The following FHIT variants were observed in gnomAD, a reference collection of about 807,000 sequenced individuals.
FHIT encodes fragile histidine triad diadenosine triphosphatase, also known as bis(5'-adenosyl)-triphosphatase.
A neutral mutation model predicts 17.9 loss-of-function variants in FHIT; 19 were observed. The observed-to-expected ratio is 1.06, with a 90% CI of 0.74 to 1.56. The LOEUF (loss-of-function observed/expected upper bound fraction) is 1.56, where lower values mean the gene tolerates loss of function less well. FHIT is among the 40% of genes most tolerant of loss of function. The pLI, the probability that FHIT is intolerant of heterozygous loss-of-function variation, is 0.00. For synonymous variants in FHIT, 81 were observed against 69.7 expected (o/e 1.16, Z -0.81); for missense variants, 248 against 189.2 (o/e 1.31, Z -1.82).
intron 5 of FHIT, among the ~76,000 whole-genome samples, chr3:60,475,297 A>C (rs895129950): frequency 5.9e-5 from 9 of 152,216 alleles, no homozygotes; most frequent in African/African-American, 1.7e-4. Context: ...TCAGTAACTT[A>C]AATGTTTTTC....
At chr3:60,288,040 G>A (rs187809600) in intron 5 of FHIT, among the ~76,000 whole-genome samples, 3 of 152,148 alleles carry the variant, frequency 2.0e-5, no homozygotes, top group African/African-American at 4.8e-5. Flanking sequence ...CTGGGAAACT[G>A]GAGTCACAAC....
chr3:60,714,257 T>A (rs2041620163), intron 4 of FHIT, among the ~76,000 whole-genome samples: 1 of 152,242 alleles, frequency 6.6e-6, no homozygotes, highest in African/African-American at 2.4e-5. Flanking sequence ...AAACTCTCAA[T>A]AAATCAGGTA....
At chr3:61,040,461 A>G (rs546387747) in intron 3 of FHIT, among the ~76,000 whole-genome samples, 2 of 152,370 alleles carry the variant, frequency 1.3e-5, no homozygotes, top group East Asian at 3.9e-4. Flanking sequence ...TAAATCCCTT[A>G]AAGAAAGATG....
chr3:61,008,672 T>C (rs2031603327), intron 3 of FHIT, among the ~76,000 whole-genome samples: 1 of 152,144 alleles, frequency 6.6e-6, no homozygotes, highest in Non-Finnish European at 1.5e-5. Flanking sequence ...TGTCACCCTG[T>C]AAATCTAACG....
At chr3:60,310,219 G>T (rs958882701) in intron 5 of FHIT, among the ~76,000 whole-genome samples, 1 of 152,152 alleles carries the variant, frequency 6.6e-6, no homozygotes, top group Non-Finnish European at 1.5e-5. Flanking sequence ...TTATTTGAAG[G>T]CTTTTGACCC....
intron 5 of FHIT, among the ~76,000 whole-genome samples, chr3:60,221,833 T>G (rs1703974511): frequency 6.6e-6 from 1 of 152,134 alleles, no homozygotes; most frequent in South Asian, 2.1e-4. Context: ...TAGCAACCAT[T>G]TTTTCCCAAT....
At chr3:59,876,282 A>T (rs1034282934) in intron 8 of FHIT, among the ~76,000 whole-genome samples, 1 of 152,226 alleles carries the variant, frequency 6.6e-6, no homozygotes, top group East Asian at 1.9e-4. Context: ...ATCTTAAAAA[A>T]GATTATTTTT....
At position 60,394,095 on chromosome 3, in the gene FHIT, G is replaced by A. The variant is rs182449816; in HGVS notation, c.103+142765C>T. On this transcript the variant is annotated intron_variant, in intron 5 of 9. Transcript: ENST00000492590. ...GCAAAGCCTCAGGGGTGAGGGTCAG[G>A]GTATGGGGGAAGGATGTGTAAGATA... 5.6e-3 allele frequency among the ~76,000 whole-genome samples: 857 copies of A among 152,214 alleles called. 35 individuals are homozygous for A. The highest frequency in any genetic ancestry group is 0.053 in the Admixed American group (807 of 15,258).
chr3:60,839,159 C>T (rs1462323420), intron 3 of FHIT, among the ~76,000 whole-genome samples: 7 of 151,968 alleles, frequency 4.6e-5, no homozygotes, highest in African/African-American at 1.7e-4. Flanking sequence ...GAGGAGCTAC[C>T]GAACAGACGA....
intron 4 of FHIT, among the ~76,000 whole-genome samples, chr3:60,659,715 T>G (rs2107821552): frequency 6.6e-6 from 1 of 152,318 alleles, no homozygotes; most frequent in South Asian, 2.1e-4. Context: ...TGAGCATCTT[T>G]AAGATACTTG....
Position 59,892,051 on chromosome 3 carries a change from C to G in FHIT, c.348+30295G>C, listed in dbSNP as rs138732271. Among the ~76,000 whole-genome samples the G allele has an allele frequency of 1.1e-3, 166 of 152,348 alleles. 1 individual carries two copies. The East Asian group carries it at 0.029, about 27-fold the overall frequency. On this transcript the variant is annotated intron_variant, in intron 8 of 9. Transcript: ENST00000492590. ...GATTTGATGTAAAATAATAGTCCATCTATAACTCAATTTAGCCAAGTCCAT... is the reference window on the plus strand; with the variant it reads ...GATTTGATGTAAAATAATAGTCCATGTATAACTCAATTTAGCCAAGTCCAT...
intron 3 of FHIT, among the ~76,000 whole-genome samples, chr3:60,961,073 T>C (rs1284113960): frequency 6.6e-6 from 1 of 152,358 alleles, no homozygotes; most frequent in Admixed American, 6.5e-5. Context: ...TTCCTATTAC[T>C]CCACATCCTC....
At chr3:61,202,507 G>A (rs1194888303) in intron 1 of FHIT, among the ~76,000 whole-genome samples, 15 of 135,720 alleles carry the variant, frequency 1.1e-4, no homozygotes, top group East Asian at 5.3e-4. Context: ...TTACTTTTTC[G>A]TTAAAAAAAA....
chr3:60,349,362 C>T (rs1710963205), intron 5 of FHIT, among the ~76,000 whole-genome samples: 1 of 152,064 alleles, frequency 6.6e-6, no homozygotes, highest in African/African-American at 2.4e-5. Context: ...AGGACAGACA[C>T]ATAGTGCATT....
intron 8 of FHIT, among the ~76,000 whole-genome samples, chr3:59,880,212 G>A (rs764288998): frequency 2.6e-5 from 4 of 152,114 alleles, no homozygotes; most frequent in Non-Finnish European, 5.9e-5. Flanking sequence ...GGCCATTCCT[G>A]CTTCTGCTGT....
intron 5 of FHIT, among the ~76,000 whole-genome samples, chr3:60,427,174 G>C (rs1049530415): frequency 6.6e-6 from 1 of 152,090 alleles, no homozygotes; most frequent in Non-Finnish European, 1.5e-5. Context: ...CCATGAAGGA[G>C]AAAGCTCTCA....
Position 60,349,023 on chromosome 3 carries a change from A to C in FHIT, c.103+187837T>G, listed in dbSNP as rs114122787. Among the ~76,000 whole-genome samples the C allele has an allele frequency of 4.1e-3, 631 of 152,346 alleles. 6 individuals are homozygous for C. Among genetic ancestry groups the C allele is most frequent in the Middle Eastern group, 0.014 (4 of 294 alleles). The stretch of plus-strand genomic sequence containing the variant: ...AGGTATAAGAGAAATAAACATGTGT[A>C]GTATGGCACTACTTGACATCCAACA... On this transcript the variant is annotated intron_variant, in intron 5 of 9. Coordinates refer to ENST00000492590, the MANE Select transcript of FHIT (RefSeq NM_002012.4).
At chr3:60,104,639 T>C (rs1396711688) in intron 5 of FHIT, among the ~76,000 whole-genome samples, 1 of 151,854 alleles carries the variant, frequency 6.6e-6, no homozygotes, top group Non-Finnish European at 1.5e-5. Flanking sequence ...AAAATAACAA[T>C]GAAACAAAGC....
At chr3:60,528,240 G>A (rs2035646561) in intron 5 of FHIT, among the ~76,000 whole-genome samples, 1 of 151,796 alleles carries the variant, frequency 6.6e-6, no homozygotes, top group East Asian at 1.9e-4. Flanking sequence ...CAAAACTCTG[G>A]GATTACAGGT....
Sources: gnomAD v4.1 joint callset for allele counts (sites outside exome capture counted in the v4.1 genomes callset) on GRCh38, gnomAD v4.1.1 for gene constraint, MANE v1.5 for transcripts, NCBI Gene and HGNC (gene_info 2026-07-23, HGNC 2026-07-21) for gene names.